Variants in OGG1 observed in about 807,000 individuals in gnomAD.
OGG1 encodes N-glycosylase/DNA lyase.
OGG1 carries 35 observed loss-of-function variants against 42.3 expected under a neutral mutation model. The observed-to-expected ratio is 0.83, with a 90% CI of 0.63 to 1.10. The LOEUF (loss-of-function observed/expected upper bound fraction) is 1.10, where lower values mean the gene tolerates loss of function less well. Among genes scored for constraint, OGG1 ranks in the 50% least tolerant of loss-of-function variants. OGG1 has a pLI of 0.00. For missense variants in OGG1, 484 were observed against 446.7 expected (o/e 1.08, Z -0.75); for synonymous variants, 189 against 179.0 (o/e 1.06, Z -0.44).
chr3:9,773,699 T>A (rs1262028894), intron 2 of OGG1, among the ~76,000 whole-genome samples: 2 of 151,668 alleles, frequency 1.3e-5, no homozygotes, highest in South Asian at 2.1e-4. Context: ...TTTATTTATT[T>A]ATTATTTTTT....
At chr3:9,782,713 C>T (rs1471000508) in intron 3 of OGG1, among the ~76,000 whole-genome samples, 1 of 151,882 alleles carries the variant, frequency 6.6e-6, no homozygotes, top group African/African-American at 2.4e-5. Flanking sequence ...ACTGCCTGAA[C>T]CCGGGAGGCG....
At chr3:9,756,434 C>A (rs1306252768) in intron 4 of OGG1, 37 bp from the exon 5 acceptor site, 1 of 1,613,032 alleles carries the variant, frequency 6.2e-7, no homozygotes, top group Non-Finnish European at 8.5e-7. Context: ...CACATGCTGC[C>A]CTTCTTCCAC....
chr3:9,775,962 A>G (rs1183975580), intron 2 of OGG1, among the ~76,000 whole-genome samples: 1 of 152,164 alleles, frequency 6.6e-6, no homozygotes, highest in Admixed American at 6.5e-5. Context: ...CTGTTGATTC[A>G]GTAGGTCTGT....
intron 3 of OGG1, among the ~76,000 whole-genome samples, chr3:9,752,558 G>C (rs922448006): frequency 2.9e-5 from 4 of 135,794 alleles, no homozygotes; most frequent in Admixed American, 7.5e-5. Flanking sequence ...AAAAATTCAA[G>C]CTGGTATCAT....
At chr3:9,791,038 T>C (rs1223503836), downstream of OGG1, among the ~76,000 whole-genome samples, 1 of 152,136 alleles carries the variant, frequency 6.6e-6, no homozygotes, top group Non-Finnish European at 1.5e-5. Flanking sequence ...GGGGGATGAG[T>C]GGGGTGCCAA....
At chr3:9,787,145 A>C (rs372311419) in intron 3 of OGG1, 1 of 1,614,180 alleles carries the variant, frequency 6.2e-7, no homozygotes, top group African/African-American at 1.3e-5. Context: ...AGGTGGGCTG[A>C]AGTTCTGGAA....
intron 2 of OGG1, among the ~76,000 whole-genome samples, chr3:9,778,236 G>A (rs1399638251): frequency 6.6e-6 from 1 of 152,164 alleles, no homozygotes; most frequent in Non-Finnish European, 1.5e-5. Flanking sequence ...TCTCATCATT[G>A]CATGTGTGGG....
downstream of OGG1, among the ~76,000 whole-genome samples, chr3:9,766,966 C>T (rs1260860718): frequency 6.6e-6 from 1 of 152,174 alleles, no homozygotes; most frequent in East Asian, 1.9e-4. Context: ...AACTGTCCCA[C>T]TTTCATCTCC....
At chr3:9,788,011 T>C (rs888561226) in exon 4 of OGG1, 2 of 300,914 alleles carry the variant, frequency 6.6e-6, no homozygotes, top group African/African-American at 2.2e-5. Flanking sequence ...AAGAGGGATA[T>C]GGCCGAGGAA....
intron 3 of OGG1, chr3:9,787,164 C>T (rs926760408): frequency 1.9e-6 from 3 of 1,614,166 alleles, no homozygotes; most frequent in Non-Finnish European, 2.5e-6. Context: ...AATTCAAGTC[C>T]TGACCTGGGG....
intron 1 of OGG1, chr3:9,750,715 C>T (rs930709180): frequency 1.4e-6 from 1 of 693,758 alleles, no homozygotes; most frequent in Non-Finnish European, 2.4e-6. Flanking sequence ...ATTCCAGCCT[C>T]GACCCCCCGG....
chr3:9,784,015 T>C, intron 3 of OGG1: 3 of 1,610,830 alleles, frequency 1.9e-6, no homozygotes, highest in Non-Finnish European at 8.5e-7. Flanking sequence ...CTGTGCATCC[T>C]GCTAACGCTC....
At chr3:9,785,790 A>G (rs946280083) in intron 3 of OGG1, among the ~76,000 whole-genome samples, 1 of 152,240 alleles carries the variant, frequency 6.6e-6, no homozygotes, top group Non-Finnish European at 1.5e-5. Flanking sequence ...CAGCTAGGCA[A>G]TGCCTGTCCA....
At chr3:9,757,962 A>G (rs979685074), downstream of OGG1, 12 of 1,473,924 alleles carry the variant, frequency 8.1e-6, no homozygotes. The surrounding 1 kb of genome is among the most constrained non-coding windows in gnomAD (Gnocchi z 4.5). Flanking sequence ...TTCAGGAGTT[A>G]TTTTATTAAT....
At chr3:9,761,657 G>A, downstream of OGG1, 1 of 1,614,182 alleles carries the variant, frequency 6.2e-7, no homozygotes, top group Non-Finnish European at 8.5e-7. Flanking sequence ...TCCACAGGCG[G>A]TGGAGAGCAC....
intron 7 of OGG1, among the ~76,000 whole-genome samples, chr3:9,764,317 C>T (rs1032082645): frequency 2.0e-5 from 3 of 151,850 alleles, no homozygotes; most frequent in Admixed American, 6.6e-5. Context: ...TTTTTTGAGA[C>T]GGAGTTTTAC....
At chr3:9,785,473 T>C (rs372966021) in intron 3 of OGG1, 3 of 1,313,438 alleles carry the variant, frequency 2.3e-6, no homozygotes, top group Non-Finnish European at 3.3e-6. Flanking sequence ...TGTTCCACTT[T>C]CCTGCTCCTT....
At chr3:9,773,303 G>C (rs1401874325) in intron 2 of OGG1, among the ~76,000 whole-genome samples, 1 of 151,884 alleles carries the variant, frequency 6.6e-6, no homozygotes, top group Non-Finnish European at 1.5e-5. Flanking sequence ...GCTGAGGCGG[G>C]TGGATCATGA....
chr3:9,778,029 A>G (rs1305883443), intron 2 of OGG1, among the ~76,000 whole-genome samples: 4 of 152,202 alleles, frequency 2.6e-5, no homozygotes, highest in African/African-American at 4.8e-5. Flanking sequence ...TGTTGGCTCA[A>G]CCACTCAATT....
Sources: gnomAD v4.1 joint callset for allele counts (sites outside exome capture counted in the v4.1 genomes callset) on GRCh38, gnomAD v4.1.1 for gene constraint, Gnocchi (gnomAD v3.1) non-coding constraint, MANE v1.5 for transcripts, NCBI Gene and HGNC (gene_info 2026-07-23, HGNC 2026-07-21) for gene names.